The following ME1 variants were observed in gnomAD, a reference collection of about 807,000 sequenced individuals.
ME1 encodes the protein malic enzyme 1, also known as NADP-dependent malic enzyme.
A neutral mutation model predicts 66.4 loss-of-function variants in ME1; 74 were observed. The observed-to-expected ratio is 1.11, with a 90% CI of 0.92 to 1.35. The LOEUF is 1.35. Ranked by LOEUF, ME1 falls within the 40% of genes most tolerant of loss-of-function variation. The probability of loss-of-function intolerance (pLI) is 0.00; values close to 1 mark genes in which losing one functional copy is unlikely to be tolerated. For missense variants in ME1, 750 were observed against 694.1 expected (o/e 1.08, Z -0.90); for synonymous variants, 251 against 235.6 (o/e 1.07, Z -0.60).
At chr6:83,399,779 A>G (rs970347047) in intron 2 of ME1, among the ~76,000 whole-genome samples, 1 of 152,228 alleles carries the variant, frequency 6.6e-6, no homozygotes, top group Admixed American at 6.5e-5. Flanking sequence ...AGCCATTTTG[A>G]ATTGATTTTC....
intron 6 of ME1, among the ~76,000 whole-genome samples, chr6:83,308,800 A>G (rs1236254537): frequency 6.6e-6 from 1 of 151,952 alleles, no homozygotes; most frequent in Non-Finnish European, 1.5e-5. Context: ...AATATCAAAT[A>G]TGTCAGATAT....
At chr6:83,301,304 CT>C (rs1767714078) in intron 6 of ME1, among the ~76,000 whole-genome samples, 1 of 132,686 alleles carries the variant, frequency 7.5e-6, no homozygotes, top group South Asian at 2.3e-4. Flanking sequence ...TTCTTTCCTT[CT>C]TTCTTTCTTT....
At position 83,252,279 on chromosome 6, in the gene ME1, CTGT is replaced by C. The variant is rs998309524; in HGVS notation, c.814+1347_814+1349del. On this transcript the variant is annotated intron_variant, in intron 7 of 13. Transcript: ENST00000369705. ...TCTGTTGTTGTTGTTGTTGTTGTTGCTGTTGTTGTTGTTGCTGTTGTTGTTGTT... is the reference window on the plus strand; with the variant it reads ...TCTGTTGTTGTTGTTGTTGTTGTTGCTGTTGTTGTTGCTGTTGTTGTTGTT... 2.2e-4 allele frequency among the ~76,000 whole-genome samples: 32 copies of C among 144,182 alleles called. No homozygotes were observed. In the East Asian group the frequency reaches 5.3e-3, roughly 24 times the overall value. 94.6% of individuals were successfully genotyped at this position (144,182 alleles called of 152,430 possible). A position where few individuals can be genotyped will look rare whatever the true frequency, so the allele number is the denominator to read the frequency against.
At chr6:83,261,164 G>T (rs1434685419) in intron 6 of ME1, among the ~76,000 whole-genome samples, 2 of 152,094 alleles carry the variant, frequency 1.3e-5, no homozygotes, top group Non-Finnish European at 2.9e-5. Flanking sequence ...TGACTGGTAT[G>T]ACATGGTATC....
At chr6:83,375,976 C>T (rs1261416425) in intron 3 of ME1, among the ~76,000 whole-genome samples, 1 of 151,720 alleles carries the variant, frequency 6.6e-6, no homozygotes, top group East Asian at 1.9e-4. Context: ...CAAGTAATAT[C>T]ATACTTGGAA....
At chr6:83,357,931 CTCTCTATATATATATA>C (rs1768926073) in intron 3 of ME1, among the ~76,000 whole-genome samples, 4 of 51,754 alleles carry the variant, frequency 7.7e-5, no homozygotes, top group African/African-American at 1.3e-4. Flanking sequence ...CTCTCTCTCT[CTCTCTATATATATATA>C]TATATATATA....
At chr6:83,381,598 G>T (rs912537064) in intron 3 of ME1, among the ~76,000 whole-genome samples, 3 of 152,084 alleles carry the variant, frequency 2.0e-5, no homozygotes, top group Non-Finnish European at 4.4e-5. Context: ...ATAGCCATCA[G>T]TACAGGACTA....
At chr6:83,423,842 G>C (rs1374829708) in intron 1 of ME1, among the ~76,000 whole-genome samples, 2 of 151,180 alleles carry the variant, frequency 1.3e-5, no homozygotes, top group Admixed American at 6.6e-5. Context: ...AAAGTTACAG[G>C]CCACACCTAT....
At chr6:83,419,975 A>C (rs910630649) in intron 1 of ME1, among the ~76,000 whole-genome samples, 1 of 152,240 alleles carries the variant, frequency 6.6e-6, no homozygotes, top group African/African-American at 2.4e-5. Flanking sequence ...AATGTGGGGA[A>C]GGCTACTTTA....
chr6:83,345,450 A>G (rs1768667833), intron 5 of ME1, among the ~76,000 whole-genome samples: 1 of 152,218 alleles, frequency 6.6e-6, no homozygotes, highest in African/African-American at 2.4e-5. Context: ...TTACAGATCA[A>G]AAGTTATATC....
At position 83,430,905 on chromosome 6, in the gene ME1, A is replaced by C; in HGVS notation, c.50T>G (p.Leu17Arg). ...GTTGAGGTGAGGGTTCCGTGTCAGC[A>C]GGTAGCCGCGCTGATGGGTGTGGCG... ...RRRHTHQRGY[L>R]LTRNPHLNKD... The change falls in exon 1 of 14, where the codon CTG becomes CGG. Residue 17 changes from leucine to arginine, a missense_variant. Coordinates refer to ENST00000369705, the MANE Select transcript of ME1 (RefSeq NM_002395.6). 6.2e-7 allele frequency: 1 copy of C among 1,603,298 alleles called. No homozygotes were observed. Among genetic ancestry groups the C allele is most frequent in the Non-Finnish European group, 8.5e-7 (1 of 1,175,340 alleles).
intron 6 of ME1, among the ~76,000 whole-genome samples, chr6:83,293,899 G>A (rs953221738): frequency 6.6e-6 from 1 of 152,250 alleles, no homozygotes; most frequent in African/African-American, 2.4e-5. Context: ...TTCGCATTTA[G>A]TTGTAGCATC....
At chr6:83,309,393 C>T (rs1381351540) in intron 6 of ME1, among the ~76,000 whole-genome samples, 1 of 152,088 alleles carries the variant, frequency 6.6e-6, no homozygotes, top group Non-Finnish European at 1.5e-5. Flanking sequence ...ATTCTGGATA[C>T]ATTCTGTAGT....
At chr6:83,416,199 T>C (rs1432853512) in intron 1 of ME1, among the ~76,000 whole-genome samples, 1 of 152,226 alleles carries the variant, frequency 6.6e-6, no homozygotes, top group Non-Finnish European at 1.5e-5. Context: ...TATGTGTGTT[T>C]CACTGGGTTG....
intron 6 of ME1, among the ~76,000 whole-genome samples, chr6:83,297,119 C>G (rs1383902576): frequency 6.6e-6 from 1 of 152,056 alleles, no homozygotes; most frequent in Non-Finnish European, 1.5e-5. Context: ...CTCCTTGCTA[C>G]CCAAGGGATG....
chr6:83,221,735 T>A (rs1790094979), intron 12 of ME1, among the ~76,000 whole-genome samples: 1 of 151,236 alleles, frequency 6.6e-6, no homozygotes, highest in Non-Finnish European at 1.5e-5. Context: ...ATGAATGAGA[T>A]CTTTGAAAGC....
At chr6:83,383,588 G>A (rs976411384) in intron 3 of ME1, among the ~76,000 whole-genome samples, 7 of 151,722 alleles carry the variant, frequency 4.6e-5, no homozygotes, top group Non-Finnish European at 7.4e-5. Flanking sequence ...TATTTGGCAC[G>A]TTGACAATAA....
intron 3 of ME1, chr6:83,392,748 C>G: frequency 1.5e-6 from 1 of 651,014 alleles, no homozygotes; most frequent in South Asian, 1.4e-5. Context: ...CTGGGGCTCA[C>G]TTGGAGGGAG....
chr6:83,379,226 A>G (rs750605615), intron 3 of ME1, among the ~76,000 whole-genome samples: 7 of 152,134 alleles, frequency 4.6e-5, no homozygotes, highest in Non-Finnish European at 7.4e-5. Flanking sequence ...AATTTGGTAA[A>G]GAAATAATCT....
Sources: allele counts gnomAD v4.1 joint callset (sites outside exome capture counted in the v4.1 genomes callset), GRCh38; gene constraint gnomAD v4.1.1; transcripts MANE v1.5; gene names NCBI Gene and HGNC (gene_info 2026-07-23, HGNC 2026-07-21).